Variants in ATF6 observed in about 807,000 individuals in gnomAD.
The protein encoded by ATF6 is cyclic AMP-dependent transcription factor ATF-6 alpha.
In ATF6, 53 loss-of-function variants were observed where a neutral mutation model predicts 83.6. The observed-to-expected ratio is 0.63, with a 90% CI of 0.51 to 0.80. The LOEUF (loss-of-function observed/expected upper bound fraction) is 0.80. Among genes scored for constraint, ATF6 ranks in the 30% least tolerant of loss-of-function variants. The pLI is 0.00. For synonymous variants in ATF6, 288 were observed against 285.8 expected, an observed-to-expected ratio of 1.01 and a Z score of -0.08; for missense variants, 744 against 797.9, an observed-to-expected ratio of 0.93 and a Z score of 0.81.
chr1:161,821,620 TC>T (rs1685765025), intron 9 of ATF6, among the ~76,000 whole-genome samples: 1 of 152,180 alleles, frequency 6.6e-6, no homozygotes, highest in Non-Finnish European at 1.5e-5. Context: ...CATGACATGT[TC>T]ATAAAAAAGT....
intron 2 of ATF6, among the ~76,000 whole-genome samples, chr1:161,781,319 T>G (rs1346112933): frequency 6.6e-6 from 1 of 152,176 alleles, no homozygotes; most frequent in Non-Finnish European, 1.5e-5. Context: ...AGTGGTGTTT[T>G]TTTTGATTCA....
At chr1:161,958,350 C>G in intron 15 of ATF6, 96 bp from the exon 16 acceptor site, 2 of 1,283,204 alleles carry the variant, frequency 1.6e-6, no homozygotes, top group East Asian at 2.4e-5. Flanking sequence ...CAGTTCACAC[C>G]CTTAAAGCAC....
chr1:161,957,119 C>G (rs1223083401), intron 15 of ATF6, among the ~76,000 whole-genome samples: 2 of 151,826 alleles, frequency 1.3e-5, no homozygotes, highest in Non-Finnish European at 2.9e-5. Flanking sequence ...AAATGTCAGA[C>G]TTTGCATTTT....
At chr1:161,888,079 G>C (rs1687466695) in intron 14 of ATF6, among the ~76,000 whole-genome samples, 1 of 152,026 alleles carries the variant, frequency 6.6e-6, no homozygotes, top group South Asian at 2.1e-4. Flanking sequence ...AACAAGAACA[G>C]GAAACATTAC....
intron 12 of ATF6, among the ~76,000 whole-genome samples, chr1:161,858,685 C>G (rs1032635942): frequency 2.0e-5 from 3 of 152,222 alleles, no homozygotes; most frequent in Non-Finnish European, 4.4e-5. Flanking sequence ...TTAACATCCT[C>G]TCATTTCTGT....
At chr1:161,783,539 G>T (rs1275232542) in intron 3 of ATF6, among the ~76,000 whole-genome samples, 2 of 151,774 alleles carry the variant, frequency 1.3e-5, no homozygotes, top group African/African-American at 4.8e-5. Context: ...AATATTTCCT[G>T]TTTCTTATTT....
chr1:161,812,877 A>T (rs1246677842), intron 7 of ATF6, among the ~76,000 whole-genome samples: 6 of 151,654 alleles, frequency 4.0e-5, no homozygotes, highest in Non-Finnish European at 5.9e-5. Flanking sequence ...GAGAACCTTC[A>T]TGTCTGTTAC....
At chr1:161,929,804 G>C (rs1019176709) in intron 15 of ATF6, among the ~76,000 whole-genome samples, 1 of 152,190 alleles carries the variant, frequency 6.6e-6, no homozygotes, top group Admixed American at 6.5e-5. Context: ...TTAGTGAAAG[G>C]CTAGGTGATA....
At chr1:161,833,724 C>T (rs1487935211) in intron 9 of ATF6, among the ~76,000 whole-genome samples, 6 of 152,060 alleles carry the variant, frequency 3.9e-5, no homozygotes, top group South Asian at 4.2e-4. Context: ...TAAAAAGAAA[C>T]GAACAAAGCC....
At chr1:161,955,330 C>T (rs374246792) in intron 15 of ATF6, among the ~76,000 whole-genome samples, 5 of 152,120 alleles carry the variant, frequency 3.3e-5, no homozygotes, top group Non-Finnish European at 7.4e-5. Flanking sequence ...TTGTAGGCAA[C>T]GATTGAAGGT....
intron 7 of ATF6, among the ~76,000 whole-genome samples, chr1:161,812,289 TTG>T (rs10607216): frequency 0.88 from 128,452 of 145,278 alleles, 56,860 homozygotes; most frequent in East Asian, 0.99. Flanking sequence ...ATTTCATGCT[TTG>T]TGTGTGTGTG....
chr1:161,936,299 A>C (rs542051963), intron 15 of ATF6, among the ~76,000 whole-genome samples: 1 of 85,222 alleles, frequency 1.2e-5, no homozygotes, highest in South Asian at 3.5e-4. Context: ...TTTTCTTTTT[A>C]ATTTTTTTTA....
At chr1:161,887,856 G>A (rs554250267) in intron 14 of ATF6, among the ~76,000 whole-genome samples, 1 of 152,316 alleles carries the variant, frequency 6.6e-6, no homozygotes, top group Non-Finnish European at 1.5e-5. Context: ...GCTGGGCTGT[G>A]GAGAAAGGAG....
intron 7 of ATF6, among the ~76,000 whole-genome samples, chr1:161,802,893 C>T (rs1685190735): frequency 6.6e-6 from 1 of 152,220 alleles, no homozygotes; most frequent in Non-Finnish European, 1.5e-5. Context: ...AAGCCAGTTA[C>T]TGCACTTGCC....
chr1:161,817,639 A>G (rs2101780060), intron 7 of ATF6, among the ~76,000 whole-genome samples: 1 of 152,300 alleles, frequency 6.6e-6, no homozygotes, highest in East Asian at 1.9e-4. Flanking sequence ...TGTAGTTTAA[A>G]TAAAAAAACA....
chr1:161,916,355 G>A (rs1688101236), intron 15 of ATF6, among the ~76,000 whole-genome samples: 1 of 152,056 alleles, frequency 6.6e-6, no homozygotes, highest in South Asian at 2.1e-4. Context: ...ACCACCAATT[G>A]TTAACATTTT....
At chr1:161,813,017 T>A (rs1408311586) in intron 7 of ATF6, among the ~76,000 whole-genome samples, 2 of 152,116 alleles carry the variant, frequency 1.3e-5, no homozygotes, top group African/African-American at 4.8e-5. Flanking sequence ...AATAGAGCCT[T>A]TACTTTCAAG....
At chr1:161,939,954 G>A (rs1688612289) in intron 15 of ATF6, among the ~76,000 whole-genome samples, 1 of 152,168 alleles carries the variant, frequency 6.6e-6, no homozygotes, top group Non-Finnish European at 1.5e-5. Context: ...GCTGCACATG[G>A]CTTTAAATAC....
At chr1:161,924,563 C>T (rs1470098844) in intron 15 of ATF6, among the ~76,000 whole-genome samples, 2 of 152,076 alleles carry the variant, frequency 1.3e-5, no homozygotes, top group African/African-American at 2.4e-5. Context: ...ATATTTGCCT[C>T]TATATGTATT....
Sources: gnomAD v4.1 joint callset for allele counts (sites outside exome capture counted in the v4.1 genomes callset) on GRCh38, gnomAD v4.1.1 for gene constraint, MANE v1.5 for transcripts, NCBI Gene and HGNC (gene_info 2026-07-23, HGNC 2026-07-21) for gene names.